CDH12: variants seen among roughly 807,000 people sequenced by gnomAD.
CDH12 encodes cadherin-12.
CDH12 carries 41 observed loss-of-function variants against 74.1 expected under a neutral mutation model. That is an observed-to-expected ratio of 0.55 (90% CI 0.43 to 0.72). The LOEUF is 0.72. Ranked by LOEUF, CDH12 falls within the 30% of genes least tolerant of loss-of-function variation. The pLI is 0.00. For missense variants in CDH12, 945 were observed against 977.2 expected, an observed-to-expected ratio of 0.97 and a Z score of 0.44; for synonymous variants, 399 against 355.0, an observed-to-expected ratio of 1.12 and a Z score of -1.39.
intron 8 of CDH12, among the ~76,000 whole-genome samples, chr5:21,832,807 C>A: frequency 8.5e-6 from 1 of 117,238 alleles, no homozygotes; most frequent in Non-Finnish European, 1.7e-5. Flanking sequence ...TATATATTAT[C>A]ATATAATATA....
At chr5:22,576,878 A>G (rs953310755) in intron 1 of CDH12, among the ~76,000 whole-genome samples, 4 of 152,214 alleles carry the variant, frequency 2.6e-5, no homozygotes, top group Admixed American at 2.6e-4. Flanking sequence ...ATACTCTAGC[A>G]GAGTTTGCTT....
intron 1 of CDH12, among the ~76,000 whole-genome samples, chr5:22,827,310 T>C (rs1272181728): frequency 6.6e-6 from 1 of 152,236 alleles, no homozygotes; most frequent in Non-Finnish European, 1.5e-5. Flanking sequence ...AATGTCAGGA[T>C]GCCCAGGCAT....
chr5:22,546,822 C>A (rs1738353669), intron 1 of CDH12, among the ~76,000 whole-genome samples: 1 of 151,980 alleles, frequency 6.6e-6, no homozygotes, highest in Non-Finnish European at 1.5e-5. Context: ...TTTCTAGGGC[C>A]CCATTTAAAA....
At chr5:22,678,044 T>G (rs1301214990) in intron 1 of CDH12, among the ~76,000 whole-genome samples, 8 of 135,126 alleles carry the variant, frequency 5.9e-5, no homozygotes, top group African/African-American at 7.9e-5. Context: ...ACCATCCTCA[T>G]GGGGGGGGGG....
intron 4 of CDH12, among the ~76,000 whole-genome samples, chr5:22,105,126 T>C (rs1490254488): frequency 6.6e-6 from 1 of 151,940 alleles, no homozygotes; most frequent in Non-Finnish European, 1.5e-5. Flanking sequence ...TGAGTCTCAC[T>C]CTGTTGCCAG....
chr5:22,697,335 G>A (rs1238477368), intron 1 of CDH12, among the ~76,000 whole-genome samples: 2 of 152,058 alleles, frequency 1.3e-5, no homozygotes, highest in African/African-American at 2.4e-5. Flanking sequence ...ACTTTGGGAG[G>A]CCGAGGCGGG....
chr5:22,441,905 T>A (rs1280140737), intron 2 of CDH12, among the ~76,000 whole-genome samples: 2 of 152,088 alleles, frequency 1.3e-5, no homozygotes, highest in African/African-American at 4.8e-5. Flanking sequence ...GGTTTCACCA[T>A]GTTGACCAGG....
At chr5:21,898,501 G>C (rs1364392990) in intron 6 of CDH12, among the ~76,000 whole-genome samples, 1 of 152,058 alleles carries the variant, frequency 6.6e-6, no homozygotes, top group African/African-American at 2.4e-5. Context: ...AGGAGATCGA[G>C]ACCATCCTGG....
Position 21,817,050 on chromosome 5 carries a change from T to C in CDH12, c.897A>G (p.Gly299=), listed in dbSNP as rs1160543486. 1 of 1,612,968 alleles carries C rather than the reference T, an allele frequency of 6.2e-7. No individual in the cohort carries two copies. The highest frequency in any genetic ancestry group is 8.5e-7 in the Non-Finnish European group (1 of 1,179,310). The change falls in exon 9 of 15, where the codon GGA becomes GGG. Residue 299 remains glycine, a synonymous_variant. Coordinates refer to ENST00000382254, the MANE Select transcript of CDH12 (RefSeq NM_004061.5). ...TATTGTATTCAATTTCTGCATTTTGTCCAAAATCAGGATCCACAGCTCTTA... is the reference window on the plus strand; with the variant it reads ...TATTGTATTCAATTTCTGCATTTTGCCCAAAATCAGGATCCACAGCTCTTA... ...GRIRAVDPDF[G]QNAEIEYNIV...
intron 1 of CDH12, among the ~76,000 whole-genome samples, chr5:22,774,605 C>T (rs1049827072): frequency 6.6e-6 from 1 of 152,088 alleles, no homozygotes; most frequent in Non-Finnish European, 1.5e-5. Flanking sequence ...AGGAGTTCCC[C>T]TGAACAATCG....
intron 1 of CDH12, among the ~76,000 whole-genome samples, chr5:22,786,992 A>G (rs1411792104): frequency 1.3e-5 from 2 of 151,604 alleles, no homozygotes; most frequent in African/African-American, 2.4e-5. Context: ...CAGCCCTCAC[A>G]CCTTTTTGAT....
chr5:22,415,725 C>T (rs951534020), intron 2 of CDH12, among the ~76,000 whole-genome samples: 3 of 152,116 alleles, frequency 2.0e-5, no homozygotes, highest in Non-Finnish European at 2.9e-5. Context: ...TTAAAAGATA[C>T]ACAAATGTTA....
Position 22,172,737 on chromosome 5 carries a change from A to G in CDH12, c.-187+39761T>C, listed in dbSNP as rs1580355833. ...GTTACTCTTATATTTTATTGAATGC[A>G]TTTCCTTTTTTCTCTATTTTTTAAT... is the stretch of plus-strand genomic sequence containing the variant. On this transcript the variant is annotated intron_variant, in intron 4 of 14. Transcript: ENST00000382254. Among the ~76,000 whole-genome samples the G allele has an allele frequency of 2.0e-5, 3 of 151,648 alleles. No individual in the cohort carries two copies. In the South Asian group the frequency reaches 6.2e-4, roughly 31 times the overall value.
chr5:21,868,791 G>A (rs562074183), intron 6 of CDH12, among the ~76,000 whole-genome samples: 1 of 152,224 alleles, frequency 6.6e-6, no homozygotes, highest in Admixed American at 6.5e-5. Flanking sequence ...TGGTTTAGAT[G>A]GAATTTTGGA....
At chr5:22,009,953 A>G (rs1262005925) in intron 5 of CDH12, among the ~76,000 whole-genome samples, 7 of 151,150 alleles carry the variant, frequency 4.6e-5, no homozygotes, top group South Asian at 2.1e-4. Context: ...AAAAAAAAAA[A>G]AAAAAAGAAA....
intron 6 of CDH12, among the ~76,000 whole-genome samples, chr5:21,876,286 CCT>C (rs1307275483): frequency 2.0e-5 from 3 of 152,088 alleles, no homozygotes; most frequent in Non-Finnish European, 2.9e-5. Flanking sequence ...TGACTCTCCC[CCT>C]GAGTCTCTGA....
At chr5:22,168,281 T>A (rs1316989953) in intron 4 of CDH12, among the ~76,000 whole-genome samples, 1 of 152,060 alleles carries the variant, frequency 6.6e-6, no homozygotes, top group East Asian at 1.9e-4. Context: ...TTTTCTCTCA[T>A]GTCCCCTCTT....
chr5:22,718,993 T>C (rs150736460), intron 1 of CDH12, among the ~76,000 whole-genome samples: 76 of 152,310 alleles, frequency 5.0e-4, no homozygotes, highest in Middle Eastern at 3.4e-3. Flanking sequence ...GAGCTTTTAC[T>C]GAGGTTCTGT....
chr5:22,790,765 G>C (rs1421671959), intron 1 of CDH12, among the ~76,000 whole-genome samples: 1 of 152,100 alleles, frequency 6.6e-6, no homozygotes, highest in Admixed American at 6.6e-5. Flanking sequence ...AATTGATGGA[G>C]CTGTTACGTA....
Sources: allele counts gnomAD v4.1 joint callset (sites outside exome capture counted in the v4.1 genomes callset), GRCh38; gene constraint gnomAD v4.1.1; transcripts MANE v1.5; gene names NCBI Gene and HGNC (gene_info 2026-07-23, HGNC 2026-07-21).